Variants in SHROOM3 observed in about 807,000 individuals in gnomAD.
SHROOM3 encodes protein Shroom3.
In SHROOM3, 47 loss-of-function variants were observed where a neutral mutation model predicts 138.6. The ratio of observed to expected loss-of-function variants is 0.34; its 90% confidence interval spans 0.27 to 0.43. The LOEUF (loss-of-function observed/expected upper bound fraction) is 0.43. Among genes scored for constraint, SHROOM3 ranks in the 20% least tolerant of loss-of-function variants. The pLI, the probability that SHROOM3 is intolerant of heterozygous loss-of-function variation, is 1.00. For missense variants in SHROOM3, 2,491 were observed against 2,596.5 expected (o/e 0.96, Z 0.88); for synonymous variants, 1,062 against 1,063.3 (o/e 1.00, Z 0.02).
chr4:76,503,450 A>G (rs1732142790), intron 1 of SHROOM3, among the ~76,000 whole-genome samples: 2 of 151,964 alleles, frequency 1.3e-5, no homozygotes, highest in South Asian at 4.2e-4. Flanking sequence ...ATTTTTTGAG[A>G]CAGGGTCTTA....
At chr4:76,704,331 G>T (rs1185382499) in intron 2 of SHROOM3, among the ~76,000 whole-genome samples, 9 of 152,218 alleles carry the variant, frequency 5.9e-5, no homozygotes, top group Non-Finnish European at 1.3e-4. Flanking sequence ...CCCTGACCTG[G>T]CTGAGCTTAT....
At chr4:76,604,283 T>C (rs537570561) in intron 2 of SHROOM3, among the ~76,000 whole-genome samples, 4 of 152,306 alleles carry the variant, frequency 2.6e-5, no homozygotes, top group African/African-American at 9.6e-5. Flanking sequence ...CTTTAAAGGA[T>C]GTTGATATCA....
chr4:76,600,656 T>C (rs2110054693), intron 2 of SHROOM3, among the ~76,000 whole-genome samples: 1 of 152,350 alleles, frequency 6.6e-6, no homozygotes, highest in Non-Finnish European at 1.5e-5. Flanking sequence ...TGGTCATTGC[T>C]CTGGAATGTT....
chr4:76,741,218 G>C lies in SHROOM3; in HGVS notation c.3045G>C (p.Gln1015His), dbSNP rs749675041. 13 of 1,609,468 alleles carry C rather than the reference G, an allele frequency of 8.1e-6. No individual in the cohort carries two copies. Among genetic ancestry groups the C allele is most frequent in the Non-Finnish European group, 1.0e-5 (12 of 1,178,602 alleles). ...CTCGCCGGCGCCTGACTCCCGAGCAGAAGAAGCGCTCCTACTCGGAGCCCG... is the reference window on the plus strand; with the variant it reads ...CTCGCCGGCGCCTGACTCCCGAGCACAAGAAGCGCTCCTACTCGGAGCCCG... ...RGARRRLTPE[Q>H]KKRSYSEPEK... Residue 1015 changes from glutamine (Q) to histidine (H), a missense_variant, in exon 5 of 11, where the codon CAG (glutamine) becomes CAC (histidine). Around this residue, in one of 4 missense-constraint regions of SHROOM3, gnomAD observed 1,733 missense variants for 1,661.6 expected, o/e 1.04. Coordinates refer to ENST00000296043, the MANE Select transcript of SHROOM3 (RefSeq NM_020859.4). The surrounding 1 kb of genome is among the most constrained non-coding windows in gnomAD (Gnocchi z 6.2).
chr4:76,478,751 G>T (rs540166770), intron 1 of SHROOM3, among the ~76,000 whole-genome samples: 2 of 152,300 alleles, frequency 1.3e-5, no homozygotes, highest in African/African-American at 4.8e-5. Flanking sequence ...TCTGACAGGT[G>T]CCCCTCTGGG....
intron 3 of SHROOM3, among the ~76,000 whole-genome samples, chr4:76,720,392 A>G (rs1041661507): frequency 1.3e-5 from 2 of 152,070 alleles, no homozygotes; most frequent in African/African-American, 4.8e-5. Context: ...CTGTGAACAT[A>G]TTATAAACAT....
intron 2 of SHROOM3, among the ~76,000 whole-genome samples, chr4:76,583,655 T>C (rs781229018): frequency 9.9e-5 from 15 of 152,210 alleles, no homozygotes; most frequent in Non-Finnish European, 2.1e-4. Flanking sequence ...GATCTGCTGC[T>C]TGCTGGCTGT....
intron 1 of SHROOM3, among the ~76,000 whole-genome samples, chr4:76,513,612 C>T (rs11734930): frequency 0.29 from 44,584 of 152,062 alleles, 7,347 homozygotes; most frequent in African/African-American, 0.43. Context: ...CCGTGCCTGG[C>T]TGGAAAATAA....
chr4:76,691,429 T>C (rs1719535058), intron 2 of SHROOM3, among the ~76,000 whole-genome samples: 1 of 152,146 alleles, frequency 6.6e-6, no homozygotes, highest in Non-Finnish European at 1.5e-5. Flanking sequence ...AAATTAAGGT[T>C]GCCAAAAGTA....
chr4:76,713,818 A>T lies in SHROOM3; in HGVS notation c.455+3531A>T, dbSNP rs115762303. On this transcript the variant is annotated intron_variant, in intron 3 of 10. Coordinates refer to ENST00000296043, the MANE Select transcript of SHROOM3 (RefSeq NM_020859.4). The stretch of plus-strand genomic sequence containing the variant: ...TTATGGAACCACCGTCATAATGTGC[A>T]CTCCATTGTTGGCTGAAATGTCATT... Among the ~76,000 whole-genome samples the T allele has an allele frequency of 3.5e-3, 535 of 152,138 alleles. 4 individuals are homozygous for T. Among genetic ancestry groups the T allele is most frequent in the African/African-American group, 0.012 (490 of 41,484 alleles).
intron 2 of SHROOM3, among the ~76,000 whole-genome samples, chr4:76,595,020 A>G (rs939987145): frequency 6.6e-6 from 1 of 152,244 alleles, no homozygotes; most frequent in African/African-American, 2.4e-5. Context: ...GAAGGCCTGC[A>G]TGTGAGTTCC....
intron 2 of SHROOM3, among the ~76,000 whole-genome samples, chr4:76,590,714 C>T (rs960452877): frequency 2.0e-5 from 3 of 151,340 alleles, no homozygotes; most frequent in South Asian, 2.1e-4. Context: ...TTTTCTCCCC[C>T]GGGGTAGAAG....
chr4:76,500,764 A>G (rs893056442), intron 1 of SHROOM3, among the ~76,000 whole-genome samples: 2 of 151,024 alleles, frequency 1.3e-5, no homozygotes, highest in African/African-American at 4.9e-5. Flanking sequence ...TTGGTAAAGT[A>G]TCTAAATCTT....
Position 76,754,942 on chromosome 4 carries a change from C to T in SHROOM3, c.4459C>T (p.Leu1487Phe), listed in dbSNP as rs749372828. Reference sequence around the variant, plus strand: ...CCCGAGCACTCCAGGGAGGATCTCCCTCCGAATATCTGAGTCTGTCCTGCG... The same window carrying T: ...CCCGAGCACTCCAGGGAGGATCTCCTTCCGAATATCTGAGTCTGTCCTGCG... ...GAPSTPGRIS[L>F]RISESVLRDS... The change falls in exon 7 of 11, where the codon CTC (leucine) becomes TTC (phenylalanine). Residue 1487 changes from leucine to phenylalanine, a missense_variant. Leu to Phe is a conservative substitution (Grantham distance 22, BLOSUM62 0). Around this residue, in one of 4 missense-constraint regions of SHROOM3, gnomAD observed 1,733 missense variants for 1,661.6 expected, o/e 1.04. Transcript: ENST00000296043. 1 of 1,614,198 alleles carries T rather than the reference C, an allele frequency of 6.2e-7. No individual in the cohort carries two copies. The highest frequency in any genetic ancestry group is 2.2e-5 in the East Asian group (1 of 44,892).
At chr4:76,677,964 A>G (rs957207865) in intron 2 of SHROOM3, among the ~76,000 whole-genome samples, 10 of 152,188 alleles carry the variant, frequency 6.6e-5, no homozygotes, top group African/African-American at 2.2e-4. Flanking sequence ...ATTTGAGGCA[A>G]ATGAAAGAGA....
intron 1 of SHROOM3, among the ~76,000 whole-genome samples, chr4:76,551,693 C>A (rs1733356708): frequency 6.6e-6 from 1 of 151,998 alleles, no homozygotes; most frequent in Non-Finnish European, 1.5e-5. Flanking sequence ...AGGGGTGGGA[C>A]TGTGAGTGGG....
intron 1 of SHROOM3, among the ~76,000 whole-genome samples, chr4:76,536,012 G>A (rs916131747): frequency 2.0e-5 from 3 of 152,200 alleles, no homozygotes; most frequent in South Asian, 2.1e-4. Context: ...CAGACCCAGC[G>A]CTTTCTCAGG....
chr4:76,767,970 T>C (rs367958961), intron 9 of SHROOM3, among the ~76,000 whole-genome samples: 9 of 152,348 alleles, frequency 5.9e-5, no homozygotes, highest in East Asian at 1.9e-4. Context: ...TTGAATGAGC[T>C]GAAGGCCTTT....
At chr4:76,620,671 A>C (rs1369761910) in intron 2 of SHROOM3, among the ~76,000 whole-genome samples, 3 of 152,150 alleles carry the variant, frequency 2.0e-5, no homozygotes, top group Non-Finnish European at 4.4e-5. Flanking sequence ...ACAGGGGATT[A>C]ATAAATGTGA....
Sources: gnomAD v4.1 joint callset for allele counts (sites outside exome capture counted in the v4.1 genomes callset) on GRCh38, gnomAD v4.1.1 for gene constraint, gnomAD v4.1.1 regional missense constraint, Gnocchi (gnomAD v3.1) non-coding constraint, MANE v1.5 for transcripts, NCBI Gene and HGNC (gene_info 2026-07-23, HGNC 2026-07-21) for gene names.